TAFA2: variants seen among roughly 807,000 people sequenced by gnomAD.
TAFA2 encodes chemokine-like protein TAFA-2.
In TAFA2, 7 loss-of-function variants were observed where a neutral mutation model predicts 18.8. The ratio of observed to expected loss-of-function variants is 0.37; its 90% CI spans 0.21 to 0.70. The LOEUF is 0.70. Among genes scored for constraint, TAFA2 ranks in the 30% least tolerant of loss-of-function variants. TAFA2 has a pLI of 0.53. For missense variants in TAFA2, 122 were observed against 158.1 expected (o/e 0.77, Z 1.23); for synonymous variants, 60 against 54.2 (o/e 1.11, Z -0.47).
At chr12:62,159,768 C>T (rs1336864094) in intron 1 of TAFA2, among the ~76,000 whole-genome samples, 5 of 152,016 alleles carry the variant, frequency 3.3e-5, no homozygotes, top group African/African-American at 7.2e-5. Flanking sequence ...GTATACTGCT[C>T]GGGTGATGGG....
At chr12:62,058,112 T>C (rs1882233585) in intron 1 of TAFA2, among the ~76,000 whole-genome samples, 1 of 152,220 alleles carries the variant, frequency 6.6e-6, no homozygotes, top group Non-Finnish European at 1.5e-5. Context: ...TTTAAGATAT[T>C]ATTCCACTGT....
chr12:61,896,635 C>T (rs1041384070), intron 1 of TAFA2, among the ~76,000 whole-genome samples: 1 of 152,278 alleles, frequency 6.6e-6, no homozygotes, highest in Non-Finnish European at 1.5e-5. Flanking sequence ...TTTGCCTGTA[C>T]CTTACATGTG....
intron 1 of TAFA2, among the ~76,000 whole-genome samples, chr12:62,233,150 G>A (rs1227288819): frequency 1.6e-5 from 2 of 126,958 alleles, no homozygotes; most frequent in Non-Finnish European, 3.1e-5. Flanking sequence ...GTGCCATCCT[G>A]GCTCACTACA....
chr12:62,235,798 G>C (rs1592413600), intron 1 of TAFA2, among the ~76,000 whole-genome samples: 1 of 152,076 alleles, frequency 6.6e-6, no homozygotes, highest in Middle Eastern at 3.4e-3. Flanking sequence ...GTGTCACCCA[G>C]GCTGGACCCT....
chr12:61,900,152 A>G (rs1282867125), intron 1 of TAFA2, among the ~76,000 whole-genome samples: 1 of 152,226 alleles, frequency 6.6e-6, no homozygotes, highest in Non-Finnish European at 1.5e-5. Context: ...ATTGTGAACA[A>G]TACAACTAGA....
At chr12:62,165,871 T>G (rs541521413) in intron 1 of TAFA2, among the ~76,000 whole-genome samples, 2 of 151,966 alleles carry the variant, frequency 1.3e-5, no homozygotes, top group African/African-American at 4.8e-5. Flanking sequence ...ACATAGAATT[T>G]AACATGTTGC....
At chr12:61,917,111 C>T (rs867346183) in intron 1 of TAFA2, among the ~76,000 whole-genome samples, 1 of 152,280 alleles carries the variant, frequency 6.6e-6, no homozygotes, top group Middle Eastern at 3.4e-3. Flanking sequence ...ATGAAGATGA[C>T]TGTTCAAGAT....
intron 4 of TAFA2, among the ~76,000 whole-genome samples, chr12:61,729,081 T>C (rs1361735335): frequency 6.6e-6 from 1 of 152,008 alleles, no homozygotes; most frequent in African/African-American, 2.4e-5. Context: ...CAATCTCTTC[T>C]AGCTTGTATA....
At chr12:62,225,901 G>T (rs2062784189) in intron 1 of TAFA2, among the ~76,000 whole-genome samples, 2 of 152,192 alleles carry the variant, frequency 1.3e-5, no homozygotes, top group East Asian at 3.9e-4. Flanking sequence ...ATCTGTGGAG[G>T]GTAATTTGGC....
chr12:61,824,161 G>A (rs184599319), intron 2 of TAFA2, among the ~76,000 whole-genome samples: 2 of 152,266 alleles, frequency 1.3e-5, no homozygotes, highest in East Asian at 1.9e-4. Flanking sequence ...AGAAATCTCA[G>A]TCCTACCACT....
At chr12:62,127,663 C>G (rs1459423066) in intron 1 of TAFA2, among the ~76,000 whole-genome samples, 1 of 151,940 alleles carries the variant, frequency 6.6e-6, no homozygotes, top group African/African-American at 2.4e-5. Context: ...AACACAAGGG[C>G]TTGAGCAAGT....
At position 61,922,016 on chromosome 12, in the gene TAFA2, T is replaced by C. The variant is rs74941488; in HGVS notation, c.-1-54590A>G. Among the ~76,000 whole-genome samples, 1,059 of 152,300 alleles carry C rather than the reference T, an allele frequency of 7.0e-3. 22 individuals are homozygous for C. The East Asian group carries it at 0.074, about 11-fold the overall frequency. ...AGTAAAATGAGGACTAAGAACTGAA[T>C]GTTCGATTTAGCAATGCAGAAGTTT... On this transcript the variant is annotated intron_variant, in intron 1 of 4. Coordinates refer to ENST00000416284, the MANE Select transcript of TAFA2 (RefSeq NM_178539.5).
chr12:61,888,583 C>A (rs1343257032), intron 1 of TAFA2, among the ~76,000 whole-genome samples: 1 of 152,152 alleles, frequency 6.6e-6, no homozygotes, highest in Non-Finnish European at 1.5e-5. Context: ...TTTTGCAAAG[C>A]TTTAAAAGCA....
intron 2 of TAFA2, among the ~76,000 whole-genome samples, chr12:61,762,314 C>A (rs900033216): frequency 1.3e-5 from 2 of 152,000 alleles, no homozygotes; most frequent in African/African-American, 4.8e-5. Flanking sequence ...ACTGTCCTTA[C>A]ACATAGTGCT....
intron 1 of TAFA2, among the ~76,000 whole-genome samples, chr12:61,887,666 A>G (rs1187604026): frequency 6.9e-6 from 1 of 145,746 alleles, no homozygotes; most frequent in East Asian, 2.1e-4. Flanking sequence ...TTCCCACCTA[A>G]GAGTGAGAAT....
chr12:62,013,049 G>A (rs993090642), intron 1 of TAFA2, among the ~76,000 whole-genome samples: 1 of 152,068 alleles, frequency 6.6e-6, no homozygotes, highest in Non-Finnish European at 1.5e-5. Context: ...TACAAGGGGA[G>A]CATTTAGATT....
chr12:62,060,758 G>T (rs541348538), intron 1 of TAFA2, among the ~76,000 whole-genome samples: 1 of 152,026 alleles, frequency 6.6e-6, no homozygotes, highest in Admixed American at 6.6e-5. Flanking sequence ...TCCTGACCCC[G>T]TCTAGGCCTA....
intron 1 of TAFA2, among the ~76,000 whole-genome samples, chr12:62,026,691 C>A (rs528067681): frequency 2.6e-5 from 4 of 152,134 alleles, no homozygotes; most frequent in South Asian, 2.1e-4. Flanking sequence ...TTGGTTTATT[C>A]TTTGTATCTT....
chr12:62,218,882 A>T (rs1251318896), intron 1 of TAFA2, among the ~76,000 whole-genome samples: 1 of 152,162 alleles, frequency 6.6e-6, no homozygotes, highest in Non-Finnish European at 1.5e-5. Context: ...TCAGGCTGTT[A>T]CACATTTACA....
Sources: allele counts gnomAD v4.1 joint callset (sites outside exome capture counted in the v4.1 genomes callset), GRCh38; gene constraint gnomAD v4.1.1; transcripts MANE v1.5; gene names NCBI Gene and HGNC (gene_info 2026-07-23, HGNC 2026-07-21).